CASD1: variants seen among roughly 807,000 people sequenced by gnomAD.
CASD1 encodes CAS1 domain sialic acid O acetyltransferase 1, also known as N-acetylneuraminate (7)9-O-acetyltransferase.
A neutral mutation model predicts 100.0 loss-of-function variants in CASD1; 41 were observed. That is an observed-to-expected ratio of 0.41 (90% CI 0.32 to 0.53). The LOEUF (loss-of-function observed/expected upper bound fraction) is 0.53, where lower values mean the gene tolerates loss of function less well. Ranked by LOEUF, CASD1 falls within the 20% of genes least tolerant of loss-of-function variation. The pLI is 0.25. For missense variants in CASD1, 774 were observed against 948.7 expected (o/e 0.82, Z 2.42); for synonymous variants, 321 against 315.6 (o/e 1.02, Z -0.18).
chr7:94,524,364 A>T (rs1794439933), intron 3 of CASD1: 1 of 152,140 alleles, frequency 6.6e-6, no homozygotes, highest in African/African-American at 2.4e-5. Context: ...AATGAAAAAG[A>T]TAACCCAGTA....
the CASD1 span, among the ~76,000 whole-genome samples, chr7:94,632,826 C>T: frequency 1.3e-5 from 2 of 151,926 alleles, no homozygotes; most frequent in Non-Finnish European, 2.9e-5. Context: ...ACAGAGAATT[C>T]GAAGCTATAG....
At chr7:94,588,009 A>G in the CASD1 span, 3 of 1,398,544 alleles carry the variant, frequency 2.1e-6, no homozygotes, top group South Asian at 5.2e-5. Context: ...CTACAAAGGC[A>G]TTAATGGTTC....
At chr7:94,604,829 AT>A in the CASD1 span, among the ~76,000 whole-genome samples, 1 of 62,464 alleles carries the variant, frequency 1.6e-5, no homozygotes, top group Non-Finnish European at 3.5e-5. Flanking sequence ...ATATATATAT[AT>A]ATATATATAT....
chr7:94,554,269 G>A, intron 16 of CASD1: 1 of 401,910 alleles, frequency 2.5e-6, no homozygotes, highest in South Asian at 4.9e-5. Flanking sequence ...ATGTTCATTG[G>A]TATGCAGCAT....
chr7:94,576,544 C>A, the CASD1 span, among the ~76,000 whole-genome samples: 1 of 152,276 alleles, frequency 6.6e-6, no homozygotes, highest in South Asian at 2.1e-4. Flanking sequence ...TGATGAATGC[C>A]TGGTTTTGCT....
At chr7:94,512,183 G>A (rs1793745086) in intron 1 of CASD1, among the ~76,000 whole-genome samples, 4 of 152,072 alleles carry the variant, frequency 2.6e-5, no homozygotes, top group South Asian at 2.1e-4. Context: ...TTTGGCTTCC[G>A]TGGGCCCCAT....
At chr7:94,555,421 T>C in intron 17 of CASD1, 71 bp from the exon 18 acceptor site, 2 of 1,451,138 alleles carry the variant, frequency 1.4e-6, no homozygotes, top group Non-Finnish European at 1.9e-6. Context: ...CCAAATTGTT[T>C]AAATTAGGGA....
the CASD1 span, among the ~76,000 whole-genome samples, chr7:94,615,594 A>T: frequency 3.3e-5 from 5 of 152,160 alleles, no homozygotes; most frequent in Non-Finnish European, 7.3e-5. Context: ...AAAAGCAGAC[A>T]ATCAGTGGGA....
chr7:94,632,041 G>C, the CASD1 span, among the ~76,000 whole-genome samples: 1 of 151,798 alleles, frequency 6.6e-6, no homozygotes, highest in Non-Finnish European at 1.5e-5. Context: ...TACAAAGTAC[G>C]GCAGAGGTAA....
chr7:94,514,284 A>T (rs1368801987), intron 1 of CASD1, among the ~76,000 whole-genome samples: 1 of 152,170 alleles, frequency 6.6e-6, no homozygotes, highest in African/African-American at 2.4e-5. Context: ...CCTGATCTTT[A>T]TGATACCTCT....
At chr7:94,540,994 TTACCA>T (rs528762216) in intron 10 of CASD1, among the ~76,000 whole-genome samples, 68 of 152,166 alleles carry the variant, frequency 4.5e-4, no homozygotes, top group Non-Finnish European at 7.7e-4. Context: ...TTATAATCAT[TTACCA>T]ACCTAACATT....
intron 9 of CASD1, 95 bp from the exon 10 acceptor site, chr7:94,538,872 A>G: frequency 1.8e-6 from 1 of 548,738 alleles, no homozygotes; most frequent in South Asian, 3.1e-5. Flanking sequence ...CATTAGCTTT[A>G]TGTCCTATAA....
the CASD1 span, chr7:94,620,243 A>G: frequency 6.6e-6 from 1 of 152,020 alleles, no homozygotes; most frequent in Admixed American, 6.5e-5. Context: ...GTCAAAGAAG[A>G]AACTAACGCT....
intron 4 of CASD1, among the ~76,000 whole-genome samples, chr7:94,527,737 G>T (rs1794646726): frequency 6.6e-6 from 1 of 152,176 alleles, no homozygotes. Flanking sequence ...GGAATAGTAT[G>T]TGCAAAGTCC....
At chr7:94,609,247 C>T in the CASD1 span, among the ~76,000 whole-genome samples, 2 of 152,244 alleles carry the variant, frequency 1.3e-5, no homozygotes, top group South Asian at 4.1e-4. Flanking sequence ...GGGCCAGAGG[C>T]CAGATGCAGT....
chr7:94,583,916 T>C, the CASD1 span, among the ~76,000 whole-genome samples: 1 of 152,116 alleles, frequency 6.6e-6, no homozygotes, highest in African/African-American at 2.4e-5. Flanking sequence ...TAGGGTAGCA[T>C]CAACCAAGGG....
Position 94,518,399 on chromosome 7 carries a change from C to G in CASD1, c.351+76C>G, listed in dbSNP as rs530308631. 974 of 1,298,332 alleles carry G rather than the reference C, an allele frequency of 7.5e-4. 1 individual carries two copies. Among genetic ancestry groups the G allele is most frequent in the Non-Finnish European group, 8.9e-4 (849 of 958,782 alleles). The allele number at this position is 1,298,332 out of a possible 1,614,324, so 80.4% of individuals were successfully genotyped here. A position where few individuals can be genotyped will look rare whatever the true frequency, so the allele number is the denominator to read the frequency against. On this transcript the variant is annotated intron_variant, in intron 3 of 17. Transcript: ENST00000297273. Reference sequence around the variant, plus strand: ...GAATAGTTACAGGAGGAGTGTGTCTCTCCAGATTGAGTAGGAGCTGAAAAA... The same window carrying G: ...GAATAGTTACAGGAGGAGTGTGTCTGTCCAGATTGAGTAGGAGCTGAAAAA...
the CASD1 span, among the ~76,000 whole-genome samples, chr7:94,574,752 T>G: frequency 6.6e-6 from 1 of 151,324 alleles, no homozygotes; most frequent in African/African-American, 2.4e-5. Context: ...GGACGGATCA[T>G]GAGATCAGGA....
chr7:94,532,346 A>G (rs1458049233), intron 5 of CASD1, among the ~76,000 whole-genome samples: 2 of 152,184 alleles, frequency 1.3e-5, no homozygotes, highest in Non-Finnish European at 2.9e-5. Context: ...CTTTGGGGTC[A>G]TTATTGAGTA....
Sources: gnomAD v4.1 joint callset for allele counts (sites outside exome capture counted in the v4.1 genomes callset) on GRCh38, gnomAD v4.1.1 for gene constraint, MANE v1.5 for transcripts, NCBI Gene and HGNC (gene_info 2026-07-23, HGNC 2026-07-21) for gene names.